The following CCND3 variants were observed in gnomAD, a reference collection of about 807,000 sequenced individuals.
The protein encoded by CCND3 is G1/S-specific cyclin-D3.
In CCND3, 9 loss-of-function variants were observed where a neutral mutation model predicts 28.7. That is an observed-to-expected ratio of 0.31 (90% CI 0.19 to 0.55). CCND3 has a LOEUF of 0.55. CCND3 is among the 20% of genes least tolerant of loss of function. CCND3 has a pLI of 0.93. For synonymous variants in CCND3, 164 were observed against 163.9 expected (o/e 1.00, Z 0.00); for missense variants, 315 against 385.8 (o/e 0.82, Z 1.54).
At chr6:41,941,857 GT>G, upstream of CCND3, 1 of 259,646 alleles carries the variant, frequency 3.9e-6, no homozygotes, top group Non-Finnish European at 7.2e-6. This position sits in a 1 kb window ranked among gnomAD's most constrained non-coding sequence, Gnocchi z 6.1. Flanking sequence ...ATGCTCGGAC[GT>G]CGCAACGCTC....
At position 42,048,849 on chromosome 6, in the gene CCND3, G is replaced by A. The variant is rs1764629266; in HGVS notation, c.-394C>T. On this transcript the variant is annotated 5_prime_UTR_variant, in exon 1 of 5. Transcript: ENST00000372988. This position sits in a 1 kb window ranked among gnomAD's most constrained non-coding sequence, Gnocchi z 4.7. ...TCGGCGAGGCCAGGAGGCTCATCCG[G>A]CGCCGCGCACCCCCGCCCGCAGCCC... 3.1e-6 allele frequency: 1 copy of A among 323,104 alleles called. No homozygotes were observed. The highest frequency in any genetic ancestry group is 2.3e-5 in the South Asian group (1 of 43,342). The allele number at this position is 323,104 out of a possible 1,614,324, so 20.0% of individuals were successfully genotyped here.
intron 1 of CCND3, among the ~76,000 whole-genome samples, chr6:41,999,673 T>A (rs538368977): frequency 1.5e-4 from 23 of 152,166 alleles, no homozygotes; most frequent in African/African-American, 5.5e-4. Context: ...GGCTGGAGGA[T>A]CACTTGAGCC....
intron 1 of CCND3, among the ~76,000 whole-genome samples, chr6:42,028,909 G>A (rs1469491568): frequency 6.6e-6 from 1 of 151,998 alleles, no homozygotes; most frequent in Non-Finnish European, 1.5e-5. Context: ...AGCCACACAG[G>A]GTCCCATGCT....
intron 1 of CCND3, chr6:42,018,570 A>G (rs563513114): frequency 6.6e-6 from 1 of 152,138 alleles, no homozygotes; most frequent in East Asian, 1.9e-4. Context: ...CTTTTCCTTT[A>G]GTTTTATATA....
chr6:42,020,431 G>A (rs1019019275), intron 1 of CCND3, among the ~76,000 whole-genome samples: 10 of 152,302 alleles, frequency 6.6e-5, no homozygotes, highest in Non-Finnish European at 8.8e-5. Context: ...CCACTGTGTT[G>A]ATCAGGTCCC....
intron 1 of CCND3, among the ~76,000 whole-genome samples, chr6:41,997,978 TAAAAA>T (rs373867665): frequency 3.6e-5 from 5 of 139,844 alleles, no homozygotes; most frequent in East Asian, 2.1e-4. Flanking sequence ...CAGTATCTAC[TAAAAA>T]AAAAAAAAAA....
At chr6:42,044,785 T>TTATG (rs1764483711) in intron 1 of CCND3, among the ~76,000 whole-genome samples, 1 of 149,444 alleles carries the variant, frequency 6.7e-6, no homozygotes, top group South Asian at 2.1e-4. Flanking sequence ...TTCTTTCCTT[T>TTATG]TATTTATTTA....
At chr6:41,967,370 C>G (rs777404290) in intron 1 of CCND3, among the ~76,000 whole-genome samples, 1 of 152,154 alleles carries the variant, frequency 6.6e-6, no homozygotes, top group African/African-American at 2.4e-5. Flanking sequence ...TACTGATTCC[C>G]TCTGAAAGAT....
chr6:41,943,905 T>C (rs1465278955), upstream of CCND3, among the ~76,000 whole-genome samples: 2 of 152,260 alleles, frequency 1.3e-5, no homozygotes, highest in African/African-American at 2.4e-5. Flanking sequence ...TTTTCTCTTA[T>C]TGACTTATAA....
At chr6:41,999,747 C>T (rs1016811354) in intron 1 of CCND3, among the ~76,000 whole-genome samples, 4 of 151,858 alleles carry the variant, frequency 2.6e-5, no homozygotes, top group Non-Finnish European at 4.4e-5. Flanking sequence ...TTTAAAAGGC[C>T]GGACATGGTG....
chr6:41,974,792 CT>C (rs762947208), intron 1 of CCND3, among the ~76,000 whole-genome samples: 72 of 125,822 alleles, frequency 5.7e-4, no homozygotes, highest in African/African-American at 6.6e-4. Context: ...CCCCACAGTT[CT>C]TTTTTTTTTT....
In CCND3 at chr6:42,048,491, C is replaced by G. The variant is rs1366306189; in HGVS notation, c.-46+10G>C. ...CCATCTACCCCGGTTTCTCCAGCAC[C>G]CAAGCCTACCTCCTCGTCAGGTGAC... On this transcript the variant is annotated intron_variant, in intron 1 of 4. Transcript: ENST00000372988. This position sits in a 1 kb window ranked among gnomAD's most constrained non-coding sequence, Gnocchi z 4.7. 2.0e-6 allele frequency: 1 copy of G among 509,666 alleles called. No homozygotes were observed. The highest frequency in any genetic ancestry group is 3.9e-6 in the Non-Finnish European group (1 of 255,962). 31.6% of individuals were successfully genotyped at this position (509,666 alleles called of 1,614,324 possible). A position where few individuals can be genotyped will look rare whatever the true frequency, so the allele number is the denominator to read the frequency against.
intron 1 of CCND3, among the ~76,000 whole-genome samples, chr6:41,964,475 AGTGT>A (rs373253252): frequency 9.3e-6 from 1 of 108,056 alleles, no homozygotes; most frequent in African/African-American, 4.1e-5. Flanking sequence ...TGTGTGTGTG[AGTGT>A]GTGTGAATGT....
intron 1 of CCND3, among the ~76,000 whole-genome samples, chr6:42,009,641 A>AAAACG (rs1364603567): frequency 1.3e-5 from 2 of 151,504 alleles, no homozygotes; most frequent in East Asian, 3.9e-4. Context: ...AAAACAAAAC[A>AAAACG]AAAACACACA....
chr6:41,973,745 C>T (rs917959855), intron 1 of CCND3, among the ~76,000 whole-genome samples: 6 of 152,316 alleles, frequency 3.9e-5, no homozygotes, highest in Non-Finnish European at 5.9e-5. Flanking sequence ...AATCCTGGTT[C>T]GGTCACTTTC....
chr6:41,987,517 C>CTCTCTGTG (rs1347442898), intron 1 of CCND3, among the ~76,000 whole-genome samples: 1 of 60,260 alleles, frequency 1.7e-5, no homozygotes. Context: ...CTCTCTCTCT[C>CTCTCTGTG]TGTGTGTGTG....
At chr6:41,999,539 G>A (rs1322486455) in intron 1 of CCND3, among the ~76,000 whole-genome samples, 1 of 152,106 alleles carries the variant, frequency 6.6e-6, no homozygotes, top group Non-Finnish European at 1.5e-5. Flanking sequence ...ATAATAATTT[G>A]TTTCCTATAA....
intron 1 of CCND3, among the ~76,000 whole-genome samples, chr6:41,954,162 A>C (rs1776380291): frequency 6.8e-6 from 1 of 147,224 alleles, no homozygotes; most frequent in African/African-American, 2.5e-5. Context: ...GAGGCAGGAG[A>C]ATCACTTGAA....
intron 1 of CCND3, among the ~76,000 whole-genome samples, chr6:42,047,654 T>C (rs958450800): frequency 2.6e-5 from 4 of 152,226 alleles, no homozygotes; most frequent in Admixed American, 1.3e-4. Flanking sequence ...GGATTCATCC[T>C]GTTCATTCCC....
Sources: allele counts gnomAD v4.1 joint callset (sites outside exome capture counted in the v4.1 genomes callset), GRCh38; gene constraint gnomAD v4.1.1; non-coding constraint Gnocchi (gnomAD v3.1); transcripts MANE v1.5; gene names NCBI Gene and HGNC (gene_info 2026-07-23, HGNC 2026-07-21).